Variants in TMPRSS7 observed in about 807,000 individuals in gnomAD.
TMPRSS7 encodes transmembrane protease serine 7.
TMPRSS7 carries 81 observed loss-of-function variants against 95.6 expected under a neutral mutation model. That is an observed-to-expected ratio of 0.85 (90% CI 0.71 to 1.02). The LOEUF (loss-of-function observed/expected upper bound fraction) is 1.02. Among genes scored for constraint, TMPRSS7 ranks in the 50% least tolerant of loss-of-function variants. The pLI, the probability that TMPRSS7 is intolerant of heterozygous loss-of-function variation, is 0.00. For synonymous variants in TMPRSS7, 364 were observed against 337.8 expected (o/e 1.08, Z -0.85); for missense variants, 945 against 955.2 (o/e 0.99, Z 0.14).
At chr3:112,050,078 C>A in intron 8 of TMPRSS7, 104 bp downstream of exon 8, 1 of 1,150,398 alleles carries the variant, frequency 8.7e-7, no homozygotes, top group Non-Finnish European at 1.2e-6. Flanking sequence ...TTGTATTAGT[C>A]TGGGACTCTG....
chr3:112,061,902 G>T, exon 11 of TMPRSS7: 1 of 1,610,230 alleles, frequency 6.2e-7, no homozygotes, highest in Non-Finnish European at 8.5e-7. Context: ...GGCAGAATAT[G>T]GCAGTTACAA....
At chr3:112,055,162 C>G (rs2073416955) in intron 9 of TMPRSS7, among the ~76,000 whole-genome samples, 3 of 152,060 alleles carry the variant, frequency 2.0e-5, no homozygotes, top group Admixed American at 2.0e-4. Flanking sequence ...ATTGAGCCCC[C>G]CATGTTGGTA....
intron 9 of TMPRSS7, among the ~76,000 whole-genome samples, chr3:112,054,729 CTTTTTTTTTTTTTTTT>C (rs1161735611): frequency 4.1e-5 from 2 of 49,010 alleles, no homozygotes; most frequent in African/African-American, 7.7e-5. Context: ...TCTCAGTTTG[CTTTTTTTTTTTTTTTT>C]TTTTTTTTTT....
chr3:112,080,342 C>T (rs1285826448), intron 17 of TMPRSS7, among the ~76,000 whole-genome samples: 2 of 152,146 alleles, frequency 1.3e-5, no homozygotes, highest in Non-Finnish European at 2.9e-5. Flanking sequence ...GGTTTTTTCA[C>T]TGGACCTGGC....
At chr3:112,070,435 G>A (rs1184224941) in intron 13 of TMPRSS7, among the ~76,000 whole-genome samples, 1 of 152,198 alleles carries the variant, frequency 6.6e-6, no homozygotes, top group Non-Finnish European at 1.5e-5. Context: ...GGGTGTTAAA[G>A]TCTCCCATTA....
chr3:112,050,615 A>G (rs1306733737), intron 8 of TMPRSS7, 56 bp from the exon 9 acceptor site: 13 of 929,964 alleles, frequency 1.4e-5, no homozygotes, highest in Non-Finnish European at 2.1e-5. Flanking sequence ...TATGAAGTGT[A>G]TTTTCCATAA....
intron 13 of TMPRSS7, among the ~76,000 whole-genome samples, chr3:112,068,414 C>G (rs1015221652): frequency 6.6e-6 from 1 of 152,182 alleles, no homozygotes; most frequent in African/African-American, 2.4e-5. Flanking sequence ...TTAGCTTCGG[C>G]AGTATGGCCA....
At chr3:112,039,272 A>G (rs2197206) in intron 2 of TMPRSS7, among the ~76,000 whole-genome samples, 43,849 of 152,184 alleles carry the variant, frequency 0.29, 7,317 homozygotes, top group Middle Eastern at 0.38. Context: ...TGTGAAATAC[A>G]TAGTTATTCT....
chr3:112,046,916 A>C, intron 5 of TMPRSS7, 58 bp from the exon 6 acceptor site: 2 of 695,518 alleles, frequency 2.9e-6, no homozygotes, highest in South Asian at 3.1e-5. Context: ...ACTAAGCAAA[A>C]TTCTAACAAA....
At chr3:112,074,552 T>C in intron 14 of TMPRSS7, 140 bp downstream of exon 14, 1 of 535,988 alleles carries the variant, frequency 1.9e-6, no homozygotes, top group East Asian at 3.1e-5. Context: ...ATTGACAAAC[T>C]GAGTCTGAAA....
chr3:112,046,891 C>A, intron 5 of TMPRSS7, 83 bp from the exon 6 acceptor site: 1 of 692,280 alleles, frequency 1.4e-6, no homozygotes, highest in South Asian at 1.5e-5. Context: ...TAAAGAAGGA[C>A]TGAAAATAAT....
intron 13 of TMPRSS7, among the ~76,000 whole-genome samples, chr3:112,073,492 A>G (rs1406848133): frequency 6.6e-6 from 1 of 152,128 alleles, no homozygotes; most frequent in Non-Finnish European, 1.5e-5. Context: ...ATGACCAGTG[A>G]TGATGAGCAT....
At chr3:112,053,376 G>A (rs1322733172) in intron 9 of TMPRSS7, among the ~76,000 whole-genome samples, 1 of 152,124 alleles carries the variant, frequency 6.6e-6, no homozygotes, top group Non-Finnish European at 1.5e-5. Context: ...ATTTATCTGA[G>A]AAGGATTAAC....
intron 13 of TMPRSS7, among the ~76,000 whole-genome samples, chr3:112,067,984 A>G (rs747258756): frequency 6.6e-6 from 1 of 152,168 alleles, no homozygotes; most frequent in Admixed American, 6.5e-5. Context: ...TAAATCTTTA[A>G]TCCATCTGGA....
intron 9 of TMPRSS7, among the ~76,000 whole-genome samples, chr3:112,053,184 T>A (rs1424078924): frequency 1.3e-5 from 2 of 148,216 alleles, no homozygotes; most frequent in Non-Finnish European, 1.5e-5. Context: ...TTGAATTTAT[T>A]AAAAAAAAAA....
chr3:112,070,174 T>G (rs1049802181), intron 13 of TMPRSS7, among the ~76,000 whole-genome samples: 5 of 152,244 alleles, frequency 3.3e-5, no homozygotes, highest in Non-Finnish European at 5.9e-5. Flanking sequence ...TTAATTTGAT[T>G]GCACTGTGGT....
chr3:112,050,005 T>C (rs1233270339), intron 8 of TMPRSS7, 31 bp downstream of exon 8: 1 of 1,514,416 alleles, frequency 6.6e-7, no homozygotes, highest in Non-Finnish European at 8.9e-7. Context: ...GAGAAGTCAC[T>C]TTTAGAAATA....
intron 6 of TMPRSS7, chr3:112,047,448 T>C (rs541234158): frequency 2.6e-5 from 15 of 583,254 alleles, no homozygotes; most frequent in Non-Finnish European, 3.9e-5. Context: ...TTGACTGACA[T>C]GCCTATTCTT....
chr3:112,079,348 G>A (rs1374343178), intron 17 of TMPRSS7, among the ~76,000 whole-genome samples: 1 of 152,166 alleles, frequency 6.6e-6, no homozygotes, highest in Non-Finnish European at 1.5e-5. Flanking sequence ...CCTTTGGGGT[G>A]ACATTTCTCG....
Sources: allele counts gnomAD v4.1 joint callset (sites outside exome capture counted in the v4.1 genomes callset), GRCh38; gene constraint gnomAD v4.1.1; transcripts MANE v1.5; gene names NCBI Gene and HGNC (gene_info 2026-07-23, HGNC 2026-07-21).